Variants in AUTS2 observed in about 807,000 individuals in gnomAD.
AUTS2 encodes activator of transcription and developmental regulator AUTS2, also known as autism susceptibility gene 2 protein.
Under a neutral mutation model 112.4 loss-of-function variants are expected in AUTS2, and 17 were observed. The observed-to-expected ratio is 0.15, with a 90% CI of 0.10 to 0.23. The LOEUF (loss-of-function observed/expected upper bound fraction) is 0.23. Ranked by LOEUF, AUTS2 falls within the 10% of genes least tolerant of loss-of-function variation. The pLI, the probability that AUTS2 is intolerant of heterozygous loss-of-function variation, is 1.00. For missense variants in AUTS2, 1,510 were observed against 1,701.6 expected (o/e 0.89, Z 1.98); for synonymous variants, 751 against 702.7 (o/e 1.07, Z -1.09).
intron 1 of AUTS2, among the ~76,000 whole-genome samples, chr7:69,698,654 C>T (rs1797665982): frequency 6.6e-6 from 1 of 152,164 alleles, no homozygotes; most frequent in Admixed American, 6.5e-5. Flanking sequence ...ACACAAGAAA[C>T]ATATGAGTGA....
chr7:70,050,426 A>G (rs1426394168), intron 2 of AUTS2, among the ~76,000 whole-genome samples: 1 of 149,248 alleles, frequency 6.7e-6, no homozygotes, highest in African/African-American at 2.5e-5. Context: ...ATGAGAAAGG[A>G]GTTTCATGGT....
At chr7:69,680,452 T>TA (rs910440726) in intron 1 of AUTS2, among the ~76,000 whole-genome samples, 6 of 152,150 alleles carry the variant, frequency 3.9e-5, no homozygotes, top group Middle Eastern at 3.4e-3. Flanking sequence ...TTTATTGTGT[T>TA]AAAAAAATAT....
chr7:69,932,901 T>C (rs1358830294), intron 2 of AUTS2, among the ~76,000 whole-genome samples: 3 of 152,218 alleles, frequency 2.0e-5, no homozygotes, highest in Non-Finnish European at 4.4e-5. Flanking sequence ...AATAGAAGCT[T>C]TTAAGCAACA....
At chr7:70,521,425 G>C (rs971435782) in intron 5 of AUTS2, among the ~76,000 whole-genome samples, 24 of 152,212 alleles carry the variant, frequency 1.6e-4, no homozygotes, top group African/African-American at 5.8e-4. Context: ...CCAAGCAAGG[G>C]CCCAAGTCAC....
At position 70,696,974 on chromosome 7, in the gene AUTS2, A is replaced by G. The variant is rs564925579; in HGVS notation, c.691-1595A>G. Among the ~76,000 whole-genome samples, 8 of 152,328 alleles carry G rather than the reference A, an allele frequency of 5.3e-5. No homozygotes were observed. In the South Asian group the frequency reaches 1.4e-3, roughly 28 times the overall value. ...AACCCGTTCTAAGAAACACTTTTTC[A>G]TGAAAGGATGGTAAAATACACATAT... is the stretch of plus-strand genomic sequence containing the variant. On this transcript the variant is annotated intron_variant, in intron 5 of 18. Transcript: ENST00000342771.
At position 70,459,531 on chromosome 7, in the gene AUTS2, C is replaced by T. The variant is rs1276815018; in HGVS notation, c.690+23750C>T. 3.3e-5 allele frequency among the ~76,000 whole-genome samples: 5 copies of T among 152,204 alleles called. No homozygotes were observed. In the South Asian group the frequency reaches 1.0e-3, roughly 32 times the overall value. On this transcript the variant is annotated intron_variant, in intron 5 of 18. Transcript: ENST00000342771. ...CGTGTGAGCCCCAGCTCTTTTAAAA[C>T]TCCTGGCTGGCTGTGTCCAGAGAAG...
intron 4 of AUTS2, among the ~76,000 whole-genome samples, chr7:70,140,084 A>G (rs1806778072): frequency 6.6e-6 from 1 of 152,142 alleles, no homozygotes; most frequent in African/African-American, 2.4e-5. Flanking sequence ...GAATTTGCAT[A>G]TCTCTATAAT....
intron 5 of AUTS2, among the ~76,000 whole-genome samples, chr7:70,483,711 C>A (rs1428107779): frequency 6.6e-6 from 1 of 152,128 alleles, no homozygotes; most frequent in Non-Finnish European, 1.5e-5. Context: ...GCATTCCGCT[C>A]TATCCCTTGC....
intron 11 of AUTS2, among the ~76,000 whole-genome samples, chr7:70,773,749 C>T (rs565351762): frequency 6.6e-6 from 1 of 152,238 alleles, no homozygotes; most frequent in Non-Finnish European, 1.5e-5. Flanking sequence ...ACAGCATTTA[C>T]GTTTGTTGCT....
At chr7:70,331,359 T>TGGTA (rs1462412705) in intron 4 of AUTS2, among the ~76,000 whole-genome samples, 1 of 152,190 alleles carries the variant, frequency 6.6e-6, no homozygotes, top group Non-Finnish European at 1.5e-5. Context: ...CATTCTCTGA[T>TGGTA]GGTAGTTTTT....
chr7:70,514,999 G>C (rs1799357706), intron 5 of AUTS2, among the ~76,000 whole-genome samples: 2 of 152,114 alleles, frequency 1.3e-5, no homozygotes, highest in African/African-American at 4.8e-5. Context: ...TACCTGTAAA[G>C]CTCTTTATAT....
intron 5 of AUTS2, among the ~76,000 whole-genome samples, chr7:70,570,900 A>AG (rs35584683): frequency 0.37 from 56,095 of 151,874 alleles, 10,723 homozygotes; most frequent in Admixed American, 0.47. Context: ...ACCATCTTGT[A>AG]GTCTTGCCTC....
At chr7:69,801,704 T>C (rs1790092261) in intron 1 of AUTS2, among the ~76,000 whole-genome samples, 1 of 152,282 alleles carries the variant, frequency 6.6e-6, no homozygotes, top group South Asian at 2.1e-4. Flanking sequence ...TTGTTGATTG[T>C]TTGATATATG....
chr7:70,715,857 T>C (rs1810336988), intron 6 of AUTS2, among the ~76,000 whole-genome samples: 1 of 152,186 alleles, frequency 6.6e-6, no homozygotes, highest in African/African-American at 2.4e-5. Context: ...ATTGAAGTTG[T>C]AGATGTCCTC....
intron 1 of AUTS2, among the ~76,000 whole-genome samples, chr7:69,683,556 G>A (rs1796911390): frequency 6.6e-6 from 1 of 151,982 alleles, no homozygotes; most frequent in Admixed American, 6.6e-5. Flanking sequence ...CTGTGTGACA[G>A]AGCAAAAACT....
At chr7:70,668,897 G>A (rs1020360803) in intron 5 of AUTS2, among the ~76,000 whole-genome samples, 1 of 152,196 alleles carries the variant, frequency 6.6e-6, no homozygotes, top group African/African-American at 2.4e-5. Flanking sequence ...GAGGGTGGTG[G>A]TGGCTGGGGA....
At chr7:70,034,623 C>T (rs1170760251) in intron 2 of AUTS2, among the ~76,000 whole-genome samples, 2 of 152,150 alleles carry the variant, frequency 1.3e-5, no homozygotes, top group African/African-American at 2.4e-5. Flanking sequence ...GGAGGTGCTT[C>T]TAGTATCACT....
intron 1 of AUTS2, among the ~76,000 whole-genome samples, chr7:69,821,804 T>C (rs1190429718): frequency 6.6e-6 from 1 of 151,430 alleles, no homozygotes; most frequent in Non-Finnish European, 1.5e-5. Flanking sequence ...CAGTCCAAGC[T>C]ACTCCAGAGG....
At chr7:70,719,915 G>T (rs192078521) in intron 6 of AUTS2, among the ~76,000 whole-genome samples, 1 of 152,284 alleles carries the variant, frequency 6.6e-6, no homozygotes, top group East Asian at 1.9e-4. Flanking sequence ...TGTTACTTAA[G>T]AACTGGAGTT....
Sources: allele counts gnomAD v4.1 joint callset (sites outside exome capture counted in the v4.1 genomes callset), GRCh38; gene constraint gnomAD v4.1.1; transcripts MANE v1.5; gene names NCBI Gene and HGNC (gene_info 2026-07-23, HGNC 2026-07-21).